Variants in DENND1B observed in about 807,000 individuals in gnomAD.
The protein encoded by DENND1B is DENN domain-containing protein 1B.
In DENND1B, 59 loss-of-function variants were observed where a neutral mutation model predicts 90.1. That is an observed-to-expected ratio of 0.65 (90% CI 0.53 to 0.81). The LOEUF (loss-of-function observed/expected upper bound fraction) is 0.81, where lower values mean the gene tolerates loss of function less well. DENND1B is among the 40% of genes least tolerant of loss of function. The probability of loss-of-function intolerance (pLI) is 0.00; values close to 1 mark genes in which losing one functional copy is unlikely to be tolerated. For synonymous variants in DENND1B, 337 were observed against 324.6 expected (o/e 1.04, Z -0.41); for missense variants, 862 against 912.6 (o/e 0.94, Z 0.71).
intron 10 of DENND1B, among the ~76,000 whole-genome samples, chr1:197,623,982 AC>A (rs1678412060): frequency 1.3e-5 from 2 of 151,604 alleles, no homozygotes; most frequent in South Asian, 4.1e-4. Flanking sequence ...AAGACTCAAT[AC>A]TGTGAAGATG....
rs1374817661 is a variant in DENND1B, at chr1:197,652,276, G to A, written c.406C>T (p.His136Tyr). The A allele has an allele frequency of 3.1e-6, 5 of 1,610,938 alleles. No individual in the cohort carries two copies. The highest frequency in any genetic ancestry group is 1.6e-4 in the Middle Eastern group (1 of 6,074). The change falls in exon 7 of 23, where the codon CAC (histidine) becomes TAC (tyrosine). Residue 136 changes from histidine to tyrosine, a missense_variant. By Grantham distance (83) the His-to-Tyr change is moderately conservative. Transcript: ENST00000620048. ...LNETLRSLYN[H>Y]PVPKANTPVN... ...GGAGTATTTGCCTTTGGTACTGGGT[G>A]GTTATACAGTGATCTGAGAGTTTCA...
intron 2 of DENND1B, chr1:197,736,161 A>C: frequency 1.7e-6 from 1 of 602,698 alleles, no homozygotes; most frequent in Non-Finnish European, 3.0e-6. Context: ...AAAAAAAAGA[A>C]AATATAGGTT....
chr1:197,759,858 A>T (rs1022251359), intron 2 of DENND1B, among the ~76,000 whole-genome samples: 5 of 151,978 alleles, frequency 3.3e-5, no homozygotes, highest in Admixed American at 2.6e-4. Flanking sequence ...TACTCTCCTC[A>T]AACCCAGCTT....
intron 14 of DENND1B, among the ~76,000 whole-genome samples, chr1:197,584,321 C>G (rs1015339764): frequency 3.9e-5 from 6 of 152,134 alleles, no homozygotes; most frequent in Admixed American, 3.9e-4. Context: ...CACTATAGAA[C>G]TGTACTGTCA....
chr1:197,750,659 T>C (rs1391943927), intron 2 of DENND1B, among the ~76,000 whole-genome samples: 4 of 151,952 alleles, frequency 2.6e-5, no homozygotes, highest in Non-Finnish European at 5.9e-5. Context: ...AAAACAAGAA[T>C]GGAAAAAGAA....
At chr1:197,541,790 CACA>C (rs973750457) in intron 18 of DENND1B, among the ~76,000 whole-genome samples, 28 of 152,180 alleles carry the variant, frequency 1.8e-4, no homozygotes, top group African/African-American at 5.8e-4. Context: ...AGGTAGTTAT[CACA>C]ACAATTCTGT....
intron 2 of DENND1B, among the ~76,000 whole-genome samples, chr1:197,765,082 AT>A (rs1655537659): frequency 6.6e-6 from 1 of 152,208 alleles, no homozygotes; most frequent in Non-Finnish European, 1.5e-5. Context: ...CTCTTCTCTT[AT>A]TCAGTGTCAT....
chr1:197,670,002 G>A (rs1056110495), intron 5 of DENND1B, among the ~76,000 whole-genome samples: 4 of 152,064 alleles, frequency 2.6e-5, no homozygotes, highest in Non-Finnish European at 5.9e-5. Flanking sequence ...TAGAACCGCA[G>A]ATAAAAATAA....
chr1:197,655,269 C>T (rs996799794), intron 6 of DENND1B, among the ~76,000 whole-genome samples: 17 of 152,162 alleles, frequency 1.1e-4, no homozygotes, highest in African/African-American at 4.1e-4. Context: ...GAGCCAAAAA[C>T]TGAATATTAG....
intron 20 of DENND1B, among the ~76,000 whole-genome samples, chr1:197,531,007 C>G (rs1307593669): frequency 6.6e-6 from 1 of 152,154 alleles, no homozygotes; most frequent in Non-Finnish European, 1.5e-5. Context: ...TACCTAAGTT[C>G]TAGAATCAGT....
chr1:197,630,977 A>G (rs1355724305), intron 10 of DENND1B, among the ~76,000 whole-genome samples: 1 of 152,134 alleles, frequency 6.6e-6, no homozygotes, highest in East Asian at 1.9e-4. Context: ...CATTATACAT[A>G]AATGCCAATA....
chr1:197,707,802 T>C (rs1659742823), intron 3 of DENND1B, among the ~76,000 whole-genome samples: 1 of 147,546 alleles, frequency 6.8e-6, no homozygotes, highest in Admixed American at 6.7e-5. Context: ...ATTTCTGCAT[T>C]TCCATCTGAG....
At chr1:197,644,621 A>G (rs923343401) in intron 9 of DENND1B, among the ~76,000 whole-genome samples, 6 of 146,800 alleles carry the variant, frequency 4.1e-5, no homozygotes, top group African/African-American at 1.2e-4. Flanking sequence ...AGGATCCATT[A>G]TGTCACCTGA....
chr1:197,614,859 A>AT, intron 11 of DENND1B, among the ~76,000 whole-genome samples: 1 of 151,072 alleles, frequency 6.6e-6, no homozygotes, highest in African/African-American at 2.4e-5. Flanking sequence ...ATGATAGATA[A>AT]TTACAATTTT....
At chr1:197,715,688 C>A (rs988747710) in intron 2 of DENND1B, among the ~76,000 whole-genome samples, 3 of 151,566 alleles carry the variant, frequency 2.0e-5, no homozygotes, top group Non-Finnish European at 4.4e-5. Flanking sequence ...ATTTTTCTAG[C>A]ATGTTTTATC....
chr1:197,608,772 T>G (rs1191434358), intron 12 of DENND1B, among the ~76,000 whole-genome samples: 1 of 150,530 alleles, frequency 6.6e-6, no homozygotes, highest in Non-Finnish European at 1.5e-5. Flanking sequence ...ACAAGGAAAT[T>G]GGTACTACTA....
At chr1:197,718,810 T>C (rs1173156439) in intron 2 of DENND1B, among the ~76,000 whole-genome samples, 2 of 151,958 alleles carry the variant, frequency 1.3e-5, no homozygotes, top group African/African-American at 4.8e-5. Flanking sequence ...TTTTAGAAAC[T>C]GAAAAATCAT....
chr1:197,765,163 T>G (rs762649521), intron 2 of DENND1B, among the ~76,000 whole-genome samples: 2 of 152,164 alleles, frequency 1.3e-5, no homozygotes, highest in Admixed American at 6.6e-5. Context: ...TTTTAGCAAG[T>G]TCCCCCACAA....
chr1:197,728,669 T>C (rs921283171), intron 2 of DENND1B, among the ~76,000 whole-genome samples: 1 of 152,170 alleles, frequency 6.6e-6, no homozygotes, highest in African/African-American at 2.4e-5. Flanking sequence ...AAATTCTTAT[T>C]GCCTAATTAG....
Sources: gnomAD v4.1 joint callset for allele counts (sites outside exome capture counted in the v4.1 genomes callset) on GRCh38, gnomAD v4.1.1 for gene constraint, MANE v1.5 for transcripts, NCBI Gene and HGNC (gene_info 2026-07-23, HGNC 2026-07-21) for gene names.